BTC: variants seen among roughly 807,000 people sequenced by gnomAD.
BTC encodes probetacellulin.
In BTC, 13 loss-of-function variants were observed where a neutral mutation model predicts 18.1. The observed-to-expected ratio is 0.72, with a 90% CI of 0.47 to 1.14. The LOEUF (loss-of-function observed/expected upper bound fraction) is 1.14, where lower values mean the gene tolerates loss of function less well. Among genes scored for constraint, BTC ranks in the 50% most tolerant of loss-of-function variants. The pLI is 0.00. For synonymous variants in BTC, 83 were observed against 79.4 expected, an observed-to-expected ratio of 1.05 and a Z score of -0.24; for missense variants, 247 against 224.2, an observed-to-expected ratio of 1.10 and a Z score of -0.65.
chr4:74,761,314 G>C (rs1405401374), intron 2 of BTC, among the ~76,000 whole-genome samples: 2 of 152,060 alleles, frequency 1.3e-5, no homozygotes, highest in East Asian at 1.9e-4. Flanking sequence ...TCCTTTGCAG[G>C]CTCCTCCTCG....
At chr4:74,791,193 T>C (rs1286905819) in intron 1 of BTC, among the ~76,000 whole-genome samples, 2 of 152,092 alleles carry the variant, frequency 1.3e-5, no homozygotes, top group South Asian at 2.1e-4. Context: ...AATACAATAA[T>C]TAGCTGGGCG....
intron 3 of BTC, among the ~76,000 whole-genome samples, chr4:74,754,673 G>C (rs1226326513): frequency 6.6e-6 from 1 of 152,198 alleles, no homozygotes; most frequent in African/African-American, 2.4e-5. Context: ...GCCAGGATCA[G>C]ATGATCTATG....
chr4:74,781,886 G>GC (rs1725341258), intron 1 of BTC, among the ~76,000 whole-genome samples: 1 of 151,932 alleles, frequency 6.6e-6, no homozygotes, highest in South Asian at 2.1e-4. Context: ...TCTCCTCCCA[G>GC]CCCCCATTCT....
chr4:74,747,047 T>A (rs1286015413), intron 5 of BTC, among the ~76,000 whole-genome samples: 4 of 152,234 alleles, frequency 2.6e-5, no homozygotes, highest in Admixed American at 2.6e-4. Flanking sequence ...TCCTTACGTG[T>A]GAGCCTCTGG....
At chr4:74,760,645 C>A (rs1179135707) in intron 2 of BTC, among the ~76,000 whole-genome samples, 1 of 152,102 alleles carries the variant, frequency 6.6e-6, no homozygotes, top group Non-Finnish European at 1.5e-5. Flanking sequence ...GACGTTACAT[C>A]TCACAGAGGT....
At chr4:74,784,991 G>T (rs1411792986) in intron 1 of BTC, among the ~76,000 whole-genome samples, 1 of 152,136 alleles carries the variant, frequency 6.6e-6, no homozygotes, top group Non-Finnish European at 1.5e-5. Context: ...AATAGTTTCA[G>T]TTGAAATGGT....
chr4:74,757,825 C>G (rs1482915572), intron 2 of BTC, among the ~76,000 whole-genome samples: 1 of 152,176 alleles, frequency 6.6e-6, no homozygotes, highest in Non-Finnish European at 1.5e-5. Flanking sequence ...TCTGGGCAAG[C>G]TGATTAGGCT....
intron 1 of BTC, among the ~76,000 whole-genome samples, chr4:74,774,306 G>A (rs999311968): frequency 1.6e-4 from 24 of 152,186 alleles, no homozygotes; most frequent in South Asian, 8.3e-4. Context: ...TTTGAGTACC[G>A]GTCTTGGAAT....
chr4:74,775,521 T>A (rs542720793), intron 1 of BTC, among the ~76,000 whole-genome samples: 1 of 152,240 alleles, frequency 6.6e-6, no homozygotes, highest in East Asian at 1.9e-4. Flanking sequence ...TCCCACCAAC[T>A]AACTCTCAAC....
chr4:74,787,365 G>T (rs1325580901), intron 1 of BTC, among the ~76,000 whole-genome samples: 2 of 152,136 alleles, frequency 1.3e-5, no homozygotes, highest in Non-Finnish European at 2.9e-5. Flanking sequence ...ATTTGACCTT[G>T]TTTAATTGAT....
chr4:74,781,757 T>A (rs1274935059), intron 1 of BTC, among the ~76,000 whole-genome samples: 1 of 152,086 alleles, frequency 6.6e-6, no homozygotes, highest in Non-Finnish European at 1.5e-5. Context: ...CTAACCTTTT[T>A]TAAGGTAGCA....
intron 1 of BTC, among the ~76,000 whole-genome samples, chr4:74,791,048 G>A (rs998181582): frequency 7.9e-5 from 12 of 152,126 alleles, no homozygotes; most frequent in African/African-American, 2.4e-4. Flanking sequence ...TCTCTCCCTA[G>A]ACAGGACATT....
Position 74,750,639 on chromosome 4 carries a change from A to T in BTC, c.362T>A (p.Val121Glu). Residue 121 changes from valine (V) to glutamate (E), a missense_variant, in exon 4 of 6, where the codon GTG (valine) becomes GAG (glutamate). By Grantham distance (121) the Val-to-Glu change is moderately radical. Transcript: ENST00000395743. The stretch of plus-strand genomic sequence containing the variant: ...TACCATAACTGCTATCAAACAAATC[A>T]CCAGAATCTGTCCTCTGTCTCCTCT... ...YLRGDRGQILVICLIAVMVVF... is the reference protein window; with the variant it reads ...YLRGDRGQILEICLIAVMVVF... The T allele has an allele frequency of 6.2e-7, 1 of 1,613,992 alleles. No homozygotes were observed. Among genetic ancestry groups the T allele is most frequent in the Non-Finnish European group, 8.5e-7 (1 of 1,179,962 alleles).
chr4:74,775,020 G>T (rs755934005), intron 1 of BTC, among the ~76,000 whole-genome samples: 1 of 152,052 alleles, frequency 6.6e-6, no homozygotes, highest in African/African-American at 2.4e-5. Flanking sequence ...AGAGTTTACC[G>T]CTTGGATAAC....
intron 1 of BTC, among the ~76,000 whole-genome samples, chr4:74,790,309 G>A (rs6847968): frequency 0.18 from 26,988 of 152,116 alleles, 3,948 homozygotes; most frequent in African/African-American, 0.41. Flanking sequence ...GGCACATTTT[G>A]AGTGGCTTTA....
intron 1 of BTC, among the ~76,000 whole-genome samples, chr4:74,792,810 A>T (rs1725668828): frequency 6.6e-6 from 1 of 151,906 alleles, no homozygotes; most frequent in Non-Finnish European, 1.5e-5. Flanking sequence ...GCCTTTCCCC[A>T]CTATTCCAGC....
intron 3 of BTC, among the ~76,000 whole-genome samples, chr4:74,752,379 C>CTTTT (rs5859439): frequency 3.0e-5 from 4 of 133,260 alleles, no homozygotes; most frequent in Non-Finnish European, 4.8e-5. Context: ...GGGGGAATCA[C>CTTTT]TTTTTTTTTT....
chr4:74,751,882 A>G (rs921436753), intron 3 of BTC, among the ~76,000 whole-genome samples: 22 of 152,250 alleles, frequency 1.4e-4, no homozygotes, highest in African/African-American at 5.1e-4. Flanking sequence ...AGAATGCTTC[A>G]AATGAAGTTA....
intron 1 of BTC, among the ~76,000 whole-genome samples, chr4:74,785,613 G>C (rs1725458065): frequency 6.6e-6 from 1 of 152,204 alleles, no homozygotes. Context: ...ATTTCCTGCA[G>C]TGTCTTTTTT....
Sources: gnomAD v4.1 joint callset for allele counts (sites outside exome capture counted in the v4.1 genomes callset) on GRCh38, gnomAD v4.1.1 for gene constraint, MANE v1.5 for transcripts, NCBI Gene and HGNC (gene_info 2026-07-23, HGNC 2026-07-21) for gene names.